Variants in KIAA1671 observed in about 807,000 individuals in gnomAD.
KIAA1671 encodes KIAA1671, also known as uncharacterized protein KIAA1671.
KIAA1671 carries 52 observed loss-of-function variants against 131.2 expected under a neutral mutation model. That is an observed-to-expected ratio of 0.40 (90% CI 0.32 to 0.50). KIAA1671 has a LOEUF of 0.50. KIAA1671 is among the 20% of genes least tolerant of loss of function. The pLI is 0.73. For synonymous variants in KIAA1671, 1,003 were observed against 961.6 expected, an observed-to-expected ratio of 1.04 and a Z score of -0.80; for missense variants, 2,360 against 2,364.2, an observed-to-expected ratio of 1.00 and a Z score of 0.04.
chr22:25,004,059 C>T (rs868675575), intron 1 of KIAA1671, among the ~76,000 whole-genome samples: 5 of 151,432 alleles, frequency 3.3e-5, no homozygotes, highest in East Asian at 1.9e-4. Flanking sequence ...CCTTGTGATC[C>T]GCCTGCCTCA....
rs1934649415 is a variant in KIAA1671 at position 25,190,802 on chromosome 22, T to G, written c.*4+18T>G. 6.6e-7 allele frequency: 1 copy of G among 1,510,296 alleles called. No homozygotes were observed. The highest frequency in any genetic ancestry group is 1.2e-5 in the South Asian group (1 of 83,246). The allele number at this position is 1,510,296 out of a possible 1,614,324, so 93.6% of individuals were successfully genotyped here. On this transcript the variant is annotated intron_variant, in intron 12 of 12. Transcript: ENST00000358431. Reference sequence around the variant, plus strand: ...TTGACCAGGTATGAAGGGGCTCTGTTGGGGAACCTGGGAAGAGCCCTGCAG... The same window carrying G: ...TTGACCAGGTATGAAGGGGCTCTGTGGGGGAACCTGGGAAGAGCCCTGCAG...
intron 1 of KIAA1671, among the ~76,000 whole-genome samples, chr22:25,002,401 A>C (rs1234252588): frequency 6.6e-6 from 1 of 152,080 alleles, no homozygotes; most frequent in Non-Finnish European, 1.5e-5. Flanking sequence ...AGCTATATAC[A>C]ATGTTAACAA....
chr22:25,029,983 A>G (rs1926190042), intron 3 of KIAA1671, among the ~76,000 whole-genome samples: 1 of 152,190 alleles, frequency 6.6e-6, no homozygotes, highest in African/African-American at 2.4e-5. Flanking sequence ...CAAAAAATAA[A>G]CTCAGAGGAG....
At chr22:25,173,207 C>T (rs1299698476) in intron 7 of KIAA1671, among the ~76,000 whole-genome samples, 1 of 151,838 alleles carries the variant, frequency 6.6e-6, no homozygotes, top group Non-Finnish European at 1.5e-5. Flanking sequence ...AGGACATCTG[C>T]CCCCATTATC....
chr22:24,980,127 T>A (rs1359061560), intron 1 of KIAA1671, among the ~76,000 whole-genome samples: 1 of 152,004 alleles, frequency 6.6e-6, no homozygotes, highest in African/African-American at 2.4e-5. Context: ...AAAGGCTGGA[T>A]GGATAATATT....
rs573094362 is a variant in KIAA1671, at chr22:25,038,427, A to G, written c.1630-333A>G. Among the ~76,000 whole-genome samples, 827 of 152,336 alleles carry G rather than the reference A, an allele frequency of 5.4e-3. 4 individuals are homozygous for G. The highest frequency in any genetic ancestry group is 7.9e-3 in the Non-Finnish European group (536 of 68,024). On this transcript the variant is annotated intron_variant, in intron 4 of 12. Coordinates refer to ENST00000358431, the MANE Select transcript of KIAA1671 (RefSeq NM_001145206.2). ...TTTCTGTGTTCTTTTGCTTGCACCA[A>G]CGGTGCTGTCTCAACTTTCTTGTTT...
At chr22:25,178,161 C>T (rs930784523) in intron 9 of KIAA1671, among the ~76,000 whole-genome samples, 97 of 152,284 alleles carry the variant, frequency 6.4e-4, no homozygotes, top group African/African-American at 2.1e-3. Context: ...AAGACAGCCT[C>T]CCCCACCGCC....
chr22:24,988,323 C>G lies in KIAA1671; in HGVS notation c.-208+35551C>G, dbSNP rs538307755. ...GACTCCTGCCTGGATCTCAGCCCCC[C>G]AAACTGGGAGCACTTGTTATTTTTA... On this transcript the variant is annotated intron_variant, in intron 1 of 12. Coordinates refer to ENST00000358431, the MANE Select transcript of KIAA1671 (RefSeq NM_001145206.2). Among the ~76,000 whole-genome samples, 18 of 151,906 alleles carry G rather than the reference C, an allele frequency of 1.2e-4. 1 individual carries two copies. The highest frequency in any genetic ancestry group is 4.1e-4 in the African/African-American group (17 of 41,404).
rs1201218389 is a variant in KIAA1671, at chr22:25,196,801, C to T, written c.*4400C>T. The T allele has an allele frequency of 6.6e-6, 1 of 151,928 alleles. No homozygotes were observed. The highest frequency in any genetic ancestry group is 6.6e-5 in the Admixed American group (1 of 15,252). The allele number at this position is 151,928 out of a possible 1,614,324, so 9.4% of individuals were successfully genotyped here. On this transcript the variant is annotated 3_prime_UTR_variant, in exon 13 of 13. Coordinates refer to ENST00000358431, the MANE Select transcript of KIAA1671 (RefSeq NM_001145206.2). ...TAGATCCTGTAAATAGGGGGGGTCA[C>T]AAAAGTAATATATTGTGTTATGGAA...
intron 6 of KIAA1671, among the ~76,000 whole-genome samples, chr22:25,155,716 G>A (rs1048343078): frequency 4.0e-5 from 6 of 151,874 alleles, no homozygotes; most frequent in African/African-American, 9.7e-5. Context: ...GTGGTTATGT[G>A]TATATTTTTG....
At chr22:25,072,931 A>C (rs1255753793) in intron 6 of KIAA1671, among the ~76,000 whole-genome samples, 1 of 152,158 alleles carries the variant, frequency 6.6e-6, no homozygotes, top group Admixed American at 6.5e-5. Flanking sequence ...TAGCTTGAAC[A>C]TGCGTTCATC....
chr22:25,119,251 A>C (rs1233518183), intron 6 of KIAA1671, among the ~76,000 whole-genome samples: 2 of 152,144 alleles, frequency 1.3e-5, no homozygotes, highest in East Asian at 3.9e-4. Context: ...CCTGGAGAGG[A>C]TAAGTGACAC....
At chr22:25,030,192 G>A (rs950120014) in intron 3 of KIAA1671, among the ~76,000 whole-genome samples, 46 of 152,284 alleles carry the variant, frequency 3.0e-4, no homozygotes, top group Non-Finnish European at 1.0e-4. Context: ...GGTTAATACC[G>A]ATGTTCTAAG....
At position 25,194,324 on chromosome 22, in the gene KIAA1671, C is replaced by T. The variant is rs1179030705; in HGVS notation, c.*1923C>T. 1 of 152,322 alleles carries T rather than the reference C, an allele frequency of 6.6e-6. No homozygotes were observed. Among genetic ancestry groups the T allele is most frequent in the East Asian group, 1.9e-4 (1 of 5,188 alleles). 9.4% of individuals were successfully genotyped at this position (152,322 alleles called of 1,614,324 possible). ...CTTCTGGGCTCAAGCAATTGTCCCTCCTCAGCCTCCCAAAGTGCTCGGATT... is the reference window on the plus strand; with the variant it reads ...CTTCTGGGCTCAAGCAATTGTCCCTTCTCAGCCTCCCAAAGTGCTCGGATT... On this transcript the variant is annotated 3_prime_UTR_variant, in exon 13 of 13. Coordinates refer to ENST00000358431, the MANE Select transcript of KIAA1671 (RefSeq NM_001145206.2).
chr22:25,042,837 G>A (rs1260296036), intron 5 of KIAA1671, among the ~76,000 whole-genome samples: 4 of 152,110 alleles, frequency 2.6e-5, no homozygotes, highest in Admixed American at 2.0e-4. Context: ...AGTGAGGCAG[G>A]TGCTACAGGG....
rs1024025944 is a variant in KIAA1671 at position 25,087,891 on chromosome 22, G to A, written c.4530+38527G>A. Among the ~76,000 whole-genome samples the A allele has an allele frequency of 7.2e-5, 11 of 152,220 alleles. No homozygotes were observed. The South Asian group carries it at 1.7e-3, about 23-fold the overall frequency. On this transcript the variant is annotated intron_variant, in intron 6 of 12. Transcript: ENST00000358431. ...AGCCCCCAGCACCTGGGGAATGGGCGCCCCAGCCAATAAAGGAGATCTGGC... is the reference window on the plus strand; with the variant it reads ...AGCCCCCAGCACCTGGGGAATGGGCACCCCAGCCAATAAAGGAGATCTGGC...
At chr22:24,963,575 C>T (rs1226517376) in intron 1 of KIAA1671, among the ~76,000 whole-genome samples, 4 of 151,928 alleles carry the variant, frequency 2.6e-5, no homozygotes, top group Admixed American at 2.0e-4. Context: ...GCCACTGTGT[C>T]ATTGGTGGTG....
At chr22:25,029,962 TA>T (rs1926188053) in intron 3 of KIAA1671, among the ~76,000 whole-genome samples, 1 of 152,210 alleles carries the variant, frequency 6.6e-6, no homozygotes, top group Non-Finnish European at 1.5e-5. Flanking sequence ...CCTAAGCCTT[TA>T]TGAGTGGCCC....
intron 6 of KIAA1671, among the ~76,000 whole-genome samples, chr22:25,095,633 A>G (rs1467711445): frequency 6.6e-6 from 1 of 152,226 alleles, no homozygotes; most frequent in Admixed American, 6.5e-5. Context: ...CCTGGGCAAC[A>G]GTGTGAGGCC....
Sources: allele counts gnomAD v4.1 joint callset (sites outside exome capture counted in the v4.1 genomes callset), GRCh38; gene constraint gnomAD v4.1.1; transcripts MANE v1.5; gene names NCBI Gene and HGNC (gene_info 2026-07-23, HGNC 2026-07-21).